The following JPH1 variants were observed in gnomAD, a reference collection of about 807,000 sequenced individuals.
JPH1 encodes junctophilin-1.
A neutral mutation model predicts 53.6 loss-of-function variants in JPH1; 12 were observed. The observed-to-expected ratio is 0.22, with a 90% CI of 0.14 to 0.36. JPH1 has a LOEUF of 0.36. JPH1 is among the 10% of genes least tolerant of loss of function. The pLI is 1.00. For missense variants in JPH1, 808 were observed against 905.5 expected, an observed-to-expected ratio of 0.89 and a Z score of 1.38; for synonymous variants, 375 against 363.8, an observed-to-expected ratio of 1.03 and a Z score of -0.35.
chr8:74,244,537 C>A lies in JPH1; in HGVS notation c.1897G>T (p.Ala633Ser), dbSNP rs764948412. 1.2e-6 allele frequency: 2 copies of A among 1,602,000 alleles called. No homozygotes were observed. Among genetic ancestry groups the A allele is most frequent in the South Asian group, 2.3e-5 (2 of 88,712 alleles). ...NDSCPALEKE[A>S]NSGPNSIMIV... is the part of the protein sequence containing the mutation. ...CTACTTGCAGTACTTACTGAATTGG[C>A]TTCTTTTTCCAAAGCAGGGCATGAA... Residue 633 changes from alanine to serine, a missense_variant, in exon 4 of 6, where the codon GCC (alanine) becomes TCC (serine). Coordinates refer to ENST00000342232, the MANE Select transcript of JPH1 (RefSeq NM_020647.4).
chr8:74,267,490 C>A (rs1330528944), intron 2 of JPH1, among the ~76,000 whole-genome samples: 2 of 152,212 alleles, frequency 1.3e-5, no homozygotes, highest in African/African-American at 4.8e-5. Context: ...CTCAGCCTGA[C>A]TGGCTGATTC....
chr8:74,312,699 C>A (rs73343370), intron 2 of JPH1, among the ~76,000 whole-genome samples: 3,273 of 152,242 alleles, frequency 0.021, 75 homozygotes, highest in African/African-American at 0.059. Flanking sequence ...CAGTCCCTGG[C>A]GACCACCATT....
intron 2 of JPH1, among the ~76,000 whole-genome samples, chr8:74,284,322 T>C (rs1394983551): frequency 6.6e-6 from 1 of 152,232 alleles, no homozygotes; most frequent in Non-Finnish European, 1.5e-5. Context: ...TAGTAACTTT[T>C]GATGTGATGA....
chr8:74,319,953 C>T (rs1808266825), intron 1 of JPH1, among the ~76,000 whole-genome samples: 1 of 152,144 alleles, frequency 6.6e-6, no homozygotes. Flanking sequence ...GAACTTCTGT[C>T]CTGGTATATA....
chr8:74,237,399 G>A, intron 4 of JPH1, 96 bp from the exon 5 acceptor site: 2 of 965,712 alleles, frequency 2.1e-6, no homozygotes, highest in South Asian at 1.5e-5. Context: ...AAGTTAACAT[G>A]ATTGCAGTAA....
At chr8:74,291,657 G>A (rs1807329573) in intron 2 of JPH1, among the ~76,000 whole-genome samples, 2 of 152,158 alleles carry the variant, frequency 1.3e-5, no homozygotes, top group African/African-American at 4.8e-5. Context: ...AAATCATGCT[G>A]TTATAAAGAC....
At chr8:74,297,083 T>TA (rs141633565) in intron 2 of JPH1, among the ~76,000 whole-genome samples, 4,557 of 152,116 alleles carry the variant, frequency 0.03, 251 homozygotes, top group African/African-American at 0.1. Context: ...TGATGAACAG[T>TA]AAAAAAAACT....
At chr8:74,258,157 T>A (rs1428785213) in intron 3 of JPH1, among the ~76,000 whole-genome samples, 3 of 152,164 alleles carry the variant, frequency 2.0e-5, no homozygotes, top group Non-Finnish European at 4.4e-5. Flanking sequence ...AACACCTACC[T>A]CATGCAGGGT....
chr8:74,238,847 G>GT (rs1191596252), intron 4 of JPH1, among the ~76,000 whole-genome samples: 2 of 152,126 alleles, frequency 1.3e-5, no homozygotes, highest in Admixed American at 1.3e-4. Flanking sequence ...TTGTAGAGAT[G>GT]AGGTCTCACT....
intron 2 of JPH1, among the ~76,000 whole-genome samples, chr8:74,272,780 A>G (rs1339905117): frequency 1.3e-5 from 2 of 150,910 alleles, no homozygotes; most frequent in East Asian, 3.9e-4. Flanking sequence ...ATTTTTTTTT[A>G]TTTTTAGTAG....
Position 74,315,028 on chromosome 8 carries a change from G to A in JPH1, c.972C>T (p.Gly324=). 2 of 1,614,164 alleles carry A rather than the reference G, an allele frequency of 1.2e-6. No homozygotes were observed. Among genetic ancestry groups the A allele is most frequent in the Non-Finnish European group, 1.7e-6 (2 of 1,180,026 alleles). The change falls in exon 2 of 6, where the codon GGC becomes GGT. Residue 324 remains glycine, a synonymous_variant. Coordinates refer to ENST00000342232, the MANE Select transcript of JPH1 (RefSeq NM_020647.4). This position sits in a 1 kb window ranked among gnomAD's most constrained non-coding sequence, Gnocchi z 6.3. ...TTTTGTATTTTCCCTCTTCTTTGGA[G>A]CCGTCAGGAAACACGGTACAGCCAT... The part of the protein sequence containing the change: ...HGYGCTVFPD[G]SKEEGKYKNN...
intron 2 of JPH1, among the ~76,000 whole-genome samples, chr8:74,289,566 C>G (rs1463972705): frequency 6.6e-6 from 1 of 152,198 alleles, no homozygotes; most frequent in Non-Finnish European, 1.5e-5. Context: ...CTACTTAGCA[C>G]ACTCTCTCCC....
At chr8:74,273,683 T>G (rs1385125604) in intron 2 of JPH1, among the ~76,000 whole-genome samples, 1 of 152,220 alleles carries the variant, frequency 6.6e-6, no homozygotes, top group African/African-American at 2.4e-5. Flanking sequence ...CTGGAAAACC[T>G]AATTGGAATG....
chr8:74,242,915 C>T (rs970759300), intron 4 of JPH1, among the ~76,000 whole-genome samples: 2 of 152,176 alleles, frequency 1.3e-5, no homozygotes, highest in African/African-American at 2.4e-5. Flanking sequence ...ACCAAACATA[C>T]GTATACTACT....
intron 2 of JPH1, among the ~76,000 whole-genome samples, chr8:74,277,593 T>G (rs375316952): frequency 6.6e-6 from 1 of 152,200 alleles, no homozygotes; most frequent in South Asian, 2.1e-4. Context: ...ACTGCCTGGA[T>G]GTGAATCAGC....
chr8:74,287,275 T>C (rs1178500340), intron 2 of JPH1, among the ~76,000 whole-genome samples: 4 of 151,954 alleles, frequency 2.6e-5, no homozygotes, highest in African/African-American at 9.7e-5. Flanking sequence ...CTACTAAAAA[T>C]ACAAAAATTA....
intron 3 of JPH1, among the ~76,000 whole-genome samples, chr8:74,247,215 G>A (rs1805884869): frequency 6.6e-6 from 1 of 152,116 alleles, no homozygotes; most frequent in African/African-American, 2.4e-5. Context: ...AATACATCTT[G>A]ATGCAGTGTG....
At chr8:74,265,998 G>A (rs867043551) in intron 2 of JPH1, among the ~76,000 whole-genome samples, 4 of 150,530 alleles carry the variant, frequency 2.7e-5, no homozygotes, top group Middle Eastern at 3.4e-3. Flanking sequence ...TGGAGAAACC[G>A]AAGGCCCTGT....
intron 2 of JPH1, among the ~76,000 whole-genome samples, chr8:74,302,455 C>T (rs1807710795): frequency 6.6e-6 from 1 of 152,148 alleles, no homozygotes; most frequent in African/African-American, 2.4e-5. Flanking sequence ...TTCCCTTTTG[C>T]ATTATAAAAT....
Sources: allele counts gnomAD v4.1 joint callset (sites outside exome capture counted in the v4.1 genomes callset), GRCh38; gene constraint gnomAD v4.1.1; non-coding constraint Gnocchi (gnomAD v3.1); transcripts MANE v1.5; gene names NCBI Gene and HGNC (gene_info 2026-07-23, HGNC 2026-07-21).